Variants in PSMD7 observed in about 807,000 individuals in gnomAD.
PSMD7 encodes the protein proteasome 26S subunit, non-ATPase 7, also known as 26S proteasome non-ATPase regulatory subunit 7.
In PSMD7, 13 loss-of-function variants were observed where a neutral mutation model predicts 36.4. The observed-to-expected ratio is 0.36, with a 90% confidence interval of 0.23 to 0.57. PSMD7 has a LOEUF of 0.57. PSMD7 is among the 20% of genes least tolerant of loss of function. The pLI is 0.83. For synonymous variants in PSMD7, 186 were observed against 151.0 expected (o/e 1.23, Z -1.70); for missense variants, 298 against 393.6 (o/e 0.76, Z 2.06).
intron 6 of PSMD7, 105 bp from the exon 7 acceptor site, chr16:74,305,184 G>A: frequency 7.4e-7 from 1 of 1,353,970 alleles, no homozygotes; most frequent in Non-Finnish European, 9.7e-7. Flanking sequence ...TTAAAAACTT[G>A]CCTCACCCAA....
intron 6 of PSMD7, 95 bp downstream of exon 6, chr16:74,304,489 C>A: frequency 2.8e-6 from 3 of 1,075,050 alleles, no homozygotes; most frequent in South Asian, 1.5e-5. Flanking sequence ...GACCTGGGGT[C>A]TCGTCCTGGC....
intron 4 of PSMD7, 37 bp downstream of exon 4, chr16:74,301,689 T>A (rs771951692): frequency 6.4e-7 from 1 of 1,556,698 alleles, no homozygotes; most frequent in Non-Finnish European, 8.8e-7. Context: ...TTGAATGATT[T>A]TTTTTGCCAG....
rs1157855843 is a variant in PSMD7, at chr16:74,297,725, TGTGAATGATGCAAA to T, written c.74+749_74+762del. Among the ~76,000 whole-genome samples the T allele has an allele frequency of 5.3e-5, 8 of 151,588 alleles. No individual in the cohort carries two copies. In the East Asian group the frequency reaches 1.2e-3, roughly 22 times the overall value. On this transcript the variant is annotated intron_variant, in intron 1 of 6. Coordinates refer to ENST00000219313, the MANE Select transcript of PSMD7 (RefSeq NM_002811.5). ...TTTAACCAAGTTGATTTCACCGAAA[TGTGAATGATGCAAA>T]GTGAATGATGCCTGGATGATGCCGG...
Position 74,296,843 on chromosome 16 carries a change from A to G in PSMD7, c.-72A>G. The G allele has an allele frequency of 3.9e-6, 6 of 1,522,994 alleles. No homozygotes were observed. The highest frequency in any genetic ancestry group is 2.3e-5 in the South Asian group (2 of 86,344). 94.3% of individuals were successfully genotyped at this position (1,522,994 alleles called of 1,614,324 possible). A position where few individuals can be genotyped will look rare whatever the true frequency, so the allele number is the denominator to read the frequency against. On this transcript the variant is annotated 5_prime_UTR_variant, in exon 1 of 7. Transcript: ENST00000219313. ...GAAGAGGAACTGGGCCTGAAAGGGT[A>G]CCGGTGACCGCTACTGCTGCCGGTG...
chr16:74,304,842 A>C (rs906165698), intron 6 of PSMD7: 3 of 169,194 alleles, frequency 1.8e-5, no homozygotes, highest in African/African-American at 7.2e-5. Flanking sequence ...TCAGTCAATG[A>C]GGTTCCTTCT....
At chr16:74,301,170 AC>A in intron 3 of PSMD7, 26 bp downstream of exon 3, 1 of 1,517,680 alleles carries the variant, frequency 6.6e-7, no homozygotes, top group East Asian at 2.3e-5. Flanking sequence ...CTAAGGTGTT[AC>A]AGCATAGAAT....
At chr16:74,298,700 CA>C (rs891189305) in intron 1 of PSMD7, among the ~76,000 whole-genome samples, 7 of 144,190 alleles carry the variant, frequency 4.9e-5, no homozygotes, top group East Asian at 2.0e-4. Flanking sequence ...CCTTCTCTAC[CA>C]AAAAAAAAAC....
Position 74,296,907 on chromosome 16 carries a change from G to C in PSMD7, c.-8G>C, listed in dbSNP as rs1197874775. On this transcript the variant is annotated 5_prime_UTR_variant, in exon 1 of 7. Transcript: ENST00000219313. ...GGGAGCCAGGCCTGGCGAGCGGGGTGTGTCGCGATGCCGGAGCTGGCAGTG... is the reference window on the plus strand; with the variant it reads ...GGGAGCCAGGCCTGGCGAGCGGGGTCTGTCGCGATGCCGGAGCTGGCAGTG... 1 of 1,613,032 alleles carries C rather than the reference G, an allele frequency of 6.2e-7. No individual in the cohort carries two copies. The highest frequency in any genetic ancestry group is 1.7e-5 in the Admixed American group (1 of 59,920).
At chr16:74,298,711 C>CA (rs900429033) in intron 1 of PSMD7, among the ~76,000 whole-genome samples, 49 of 151,290 alleles carry the variant, frequency 3.2e-4, no homozygotes, top group Non-Finnish European at 3.8e-4. Flanking sequence ...AAAAAAAAAA[C>CA]AAAAAAACAA....
Position 74,304,791 on chromosome 16 carries a change from A to G in PSMD7, c.530+397A>G, listed in dbSNP as rs184081052. 92 of 169,382 alleles carry G rather than the reference A, an allele frequency of 5.4e-4. No individual in the cohort carries two copies. In the Middle Eastern group the frequency reaches 0.015, roughly 27 times the overall value. 10.5% of individuals were successfully genotyped at this position (169,382 alleles called of 1,614,324 possible). ...GGAGTAGCTTTTGTTTTAAAATCCT[A>G]TATCTATTATAATCCTTATTTGAAA... On this transcript the variant is annotated intron_variant, in intron 6 of 6. Transcript: ENST00000219313.
At chr16:74,297,309 C>A (rs1354842157) in intron 1 of PSMD7, among the ~76,000 whole-genome samples, 1 of 152,184 alleles carries the variant, frequency 6.6e-6, no homozygotes, top group Non-Finnish European at 1.5e-5. Context: ...TCGGGAGATG[C>A]GGCTAGCTTT....
chr16:74,304,482 C>A, intron 6 of PSMD7, 88 bp downstream of exon 6: 1 of 1,222,012 alleles, frequency 8.2e-7, no homozygotes, highest in East Asian at 2.4e-5. Context: ...ATATGGAGAC[C>A]TGGGGTCTCG....
intron 5 of PSMD7, 52 bp downstream of exon 5, chr16:74,302,344 AT>A (rs754854686): frequency 7.1e-7 from 1 of 1,399,618 alleles, no homozygotes; most frequent in Non-Finnish European, 9.9e-7. Context: ...TTATTGGGTG[AT>A]TAGCTTTTTT....
At position 74,305,711 on chromosome 16, in the gene PSMD7, A is replaced by T; in HGVS notation, c.953A>T (p.Glu318Val). 1 of 1,424,724 alleles carries T rather than the reference A, an allele frequency of 7.0e-7. No homozygotes were observed. Among genetic ancestry groups the T allele is most frequent in the Non-Finnish European group, 9.3e-7 (1 of 1,079,688 alleles). 88.3% of individuals were successfully genotyped at this position (1,424,724 alleles called of 1,614,324 possible). ...AAGGAAAAGAGTGATGTAAAGAAAG[A>T]GGAGAAAAAGGAGAAAAAGTAAAAC... ...KDKEKSDVKKEEKKEKK is the reference protein window; with the variant it reads ...KDKEKSDVKKVEKKEKK The change falls in exon 7 of 7, where the codon GAG becomes GTG. Residue 318 changes from glutamate (E) to valine (V), a missense_variant. Glu to Val is a moderately radical substitution (Grantham distance 121, BLOSUM62 -2). Coordinates refer to ENST00000219313, the MANE Select transcript of PSMD7 (RefSeq NM_002811.5).
chr16:74,297,073 G>A, intron 1 of PSMD7, 85 bp downstream of exon 1: 7 of 1,439,182 alleles, frequency 4.9e-6, no homozygotes, highest in Non-Finnish European at 6.7e-6. Flanking sequence ...GGCCGCGGAC[G>A]AGCTGGGGAC....
chr16:74,297,243 T>C (rs2034120571), intron 1 of PSMD7, among the ~76,000 whole-genome samples: 3 of 152,264 alleles, frequency 2.0e-5, no homozygotes, highest in Admixed American at 2.0e-4. Flanking sequence ...CAGAGTTCCC[T>C]TTCCGAGTTC....
In PSMD7 at chr16:74,296,849, G is replaced by A. The variant is rs2034115754; in HGVS notation, c.-66G>A. On this transcript the variant is annotated 5_prime_UTR_variant, in exon 1 of 7. Coordinates refer to ENST00000219313, the MANE Select transcript of PSMD7 (RefSeq NM_002811.5). Reference sequence around the variant, plus strand: ...GAACTGGGCCTGAAAGGGTACCGGTGACCGCTACTGCTGCCGGTGTTTGCG... The same window carrying A: ...GAACTGGGCCTGAAAGGGTACCGGTAACCGCTACTGCTGCCGGTGTTTGCG... 6.4e-7 allele frequency: 1 copy of A among 1,555,128 alleles called. No individual in the cohort carries two copies. The highest frequency in any genetic ancestry group is 8.8e-7 in the Non-Finnish European group (1 of 1,134,658).
At chr16:74,305,062 G>A in intron 6 of PSMD7, 3 of 593,604 alleles carry the variant, frequency 5.1e-6, no homozygotes, top group Non-Finnish European at 7.9e-6. Context: ...TTTTATAATT[G>A]TTTTTTGAAA....
At chr16:74,299,516 G>A in intron 1 of PSMD7, 1 of 452,980 alleles carries the variant, frequency 2.2e-6, no homozygotes, top group Non-Finnish European at 4.5e-6. Flanking sequence ...GCCCCAAGTA[G>A]CTGAGACTAC....
Sources: allele counts gnomAD v4.1 joint callset (sites outside exome capture counted in the v4.1 genomes callset), GRCh38; gene constraint gnomAD v4.1.1; transcripts MANE v1.5; gene names NCBI Gene and HGNC (gene_info 2026-07-23, HGNC 2026-07-21).